Variants in PKD1 observed in about 807,000 individuals in gnomAD.
PKD1 encodes polycystin 1, transient receptor potential channel interacting.
In PKD1, 81 loss-of-function variants were observed where a neutral mutation model predicts 361.7. That is an observed-to-expected ratio of 0.22 (90% CI 0.19 to 0.27). The LOEUF is 0.27. PKD1 is among the 10% of genes least tolerant of loss of function. The pLI, the probability that PKD1 is intolerant of heterozygous loss-of-function variation, is 1.00. For synonymous variants in PKD1, 3,615 were observed against 2,818.3 expected, an observed-to-expected ratio of 1.28 and a Z score of -8.95; for missense variants, 6,399 against 6,118.3, an observed-to-expected ratio of 1.05 and a Z score of -1.53.
chr16:2,113,873 G>C (rs963350903), intron 11 of PKD1: 5 of 507,714 alleles, frequency 9.8e-6, no homozygotes, highest in Non-Finnish European at 1.8e-5. Flanking sequence ...GAACACAGCA[G>C]AGGGCGTGAG....
chr16:2,115,002 G>C (rs1259951102), intron 10 of PKD1, 77 bp from the exon 11 acceptor site: 1 of 1,515,836 alleles, frequency 6.6e-7, no homozygotes, highest in Non-Finnish European at 8.8e-7. Flanking sequence ...GATGAGGGTG[G>C]ACACGCAGGG....
intron 39 of PKD1, 41 bp from the exon 40 acceptor site, chr16:2,092,229 C>T: frequency 6.5e-7 from 1 of 1,547,014 alleles, no homozygotes; most frequent in South Asian, 1.2e-5. Flanking sequence ...AGGGCCTCAT[C>T]AAAACCCAAC....
In PKD1 at chr16:2,104,193, AG is replaced by A. The variant is rs1172968948; in HGVS notation, c.8162-299del. On this transcript the variant is annotated intron_variant, in intron 22 of 45. Transcript: ENST00000262304. The stretch of plus-strand genomic sequence containing the variant: ...GAGGAGCAGGGGGAAAGGGAGGGGA[AG>A]GGGGATAAGGGAGGGGAAGGGGGAT... Among the ~76,000 whole-genome samples the A allele has an allele frequency of 8.9e-4, 13 of 14,648 alleles. No homozygotes were observed. The East Asian group carries it at 0.025, about 29-fold the overall frequency. The allele number at this position is 14,648 out of a possible 152,430, so 9.6% of individuals were successfully genotyped here.
In PKD1 at chr16:2,091,668, G is replaced by A. The variant is rs377486837; in HGVS notation, c.11538-71C>T. On this transcript the variant is annotated intron_variant, in intron 41 of 45. Coordinates refer to ENST00000262304, the MANE Select transcript of PKD1 (RefSeq NM_001009944.3). Reference sequence around the variant, plus strand: ...GCTGCGGGGACCGCGCAGTGCAGGCGTGGCTGAGGGGCTGTGGAAGCCGCC... The same window carrying A: ...GCTGCGGGGACCGCGCAGTGCAGGCATGGCTGAGGGGCTGTGGAAGCCGCC... 9.0e-6 allele frequency: 14 copies of A among 1,559,622 alleles called. 1 individual carries two copies. The highest frequency in any genetic ancestry group is 6.7e-5 in the African/African-American group (5 of 74,244).
Position 2,090,976 on chromosome 16 carries a change from G to A in PKD1, c.11911C>T (p.Pro3971Ser), listed in dbSNP as rs1180861713. ...TGGTCGAAGCTAGTGAAGCGGCGCG[G>A]GCGGCCGCGCACGAAACGGGTCCAC... ...RQWTRFVRGR[P>S]RRFTSFDQVA... Residue 3971 changes from proline (P) to serine (S), a missense_variant, in exon 43 of 46, where the codon CCG becomes TCG. By Grantham distance (74) the Pro-to-Ser change is moderately conservative (BLOSUM62 -1). Coordinates refer to ENST00000262304, the MANE Select transcript of PKD1 (RefSeq NM_001009944.3). 1 of 1,539,656 alleles carries A rather than the reference G, an allele frequency of 6.5e-7. No homozygotes were observed. Among genetic ancestry groups the A allele is most frequent in the Non-Finnish European group, 8.7e-7 (1 of 1,148,740 alleles).
Position 2,116,922 on chromosome 16 carries a change from T to A in PKD1, c.1517A>T (p.Glu506Val), listed in dbSNP as rs1385777364. 10 of 1,519,576 alleles carry A rather than the reference T, an allele frequency of 6.6e-6. No homozygotes were observed. The highest frequency in any genetic ancestry group is 8.8e-6 in the Non-Finnish European group (10 of 1,130,074). The allele number at this position is 1,519,576 out of a possible 1,614,324, so 94.1% of individuals were successfully genotyped here. A position where few individuals can be genotyped will look rare whatever the true frequency, so the allele number is the denominator to read the frequency against. The change falls in exon 7 of 46, where the codon GAG (glutamate) becomes GTG (valine). Residue 506 changes from glutamate (E) to valine (V), a missense_variant. By Grantham distance (121) the Glu-to-Val change is moderately radical (BLOSUM62 -2). Coordinates refer to ENST00000262304, the MANE Select transcript of PKD1 (RefSeq NM_001009944.3). ...GGTGGGCCCGAGCCGGACGCAGTGCTCGGCTGTGGCTGGGTGTGGCTCCCC... is the reference window on the plus strand; with the variant it reads ...GGTGGGCCCGAGCCGGACGCAGTGCACGGCTGTGGCTGGGTGTGGCTCCCC... ...LPGEPHPATA[E>V]HCVRLGPTGW... is the part of the protein sequence containing the mutation.
Position 2,092,125 on chromosome 16 carries a change from G to C in PKD1, c.11333C>G (p.Thr3778Ser). Residue 3778 changes from threonine (T) to serine (S), a missense_variant, in exon 40 of 46, where the codon ACC becomes AGC. Thr to Ser is a moderately conservative substitution (Grantham distance 58). Transcript: ENST00000262304. ...HTCSAAGGFS[T>S]SDYDVGWESP... ...CTCCCAGCCAACGTCGTAATCGCTG[G>C]TGCTGAAGCCTCCTGCGGCCGAGCA... is the stretch of plus-strand genomic sequence containing the variant. 6.2e-7 allele frequency: 1 copy of C among 1,612,870 alleles called. No individual in the cohort carries two copies. The highest frequency in any genetic ancestry group is 8.5e-7 in the Non-Finnish European group (1 of 1,179,994).
chr16:2,126,098 C>T (rs2092796713), intron 1 of PKD1, among the ~76,000 whole-genome samples: 1 of 152,176 alleles, frequency 6.6e-6, no homozygotes, highest in South Asian at 2.1e-4. Flanking sequence ...AGCGGGGCAG[C>T]CGGAATCCCA....
chr16:2,112,231 C>T, intron 14 of PKD1, 109 bp downstream of exon 14: 1 of 964,342 alleles, frequency 1.0e-6, no homozygotes. Context: ...CAGGTGAGGT[C>T]ACAGTGAGGG....
rs906508727 is a variant in PKD1, at chr16:2,092,750, C to G, written c.11157-158G>C. ...TATCCTGGGGATGTTCTGGGGCAGA[C>G]AGTTGTCTGTCATGGGCCCGTCCTG... On this transcript the variant is annotated intron_variant, in intron 38 of 45. Transcript: ENST00000262304. 8.4e-6 allele frequency: 7 copies of G among 831,834 alleles called. No individual in the cohort carries two copies. In the African/African-American group the frequency reaches 1.0e-4, roughly 12 times the overall value. The allele number at this position is 831,834 out of a possible 1,614,324, so 51.5% of individuals were successfully genotyped here. A position where few individuals can be genotyped will look rare whatever the true frequency, so the allele number is the denominator to read the frequency against.
chr16:2,106,161 G>A lies in PKD1; in HGVS notation c.7633C>T (p.Pro2545Ser), dbSNP rs1328959876. The A allele has an allele frequency of 2.5e-6, 4 of 1,608,362 alleles. No homozygotes were observed. The highest frequency in any genetic ancestry group is 3.3e-5 in the Admixed American group (2 of 59,728). The part of the protein sequence containing the change: ...YGAVLPPGFR[P>S]HFEVGLAVVV... ...ACGGCCAGGCCCACCTCGAAGTGTG[G>A]CCTGAAACCCGGGGGCAGCACGGCT... The change falls in exon 19 of 46, where the codon CCA (proline) becomes TCA (serine). Residue 2545 changes from proline (P) to serine (S), a missense_variant. By Grantham distance (74) the Pro-to-Ser change is moderately conservative. Coordinates refer to ENST00000262304, the MANE Select transcript of PKD1 (RefSeq NM_001009944.3). This position sits in a 1 kb window ranked among gnomAD's most constrained non-coding sequence, Gnocchi z 6.5.
rs761746737 is a variant in PKD1, at chr16:2,110,068, G to A, written c.5099C>T (p.Thr1700Ile). ...GGCCCAGGCGCTGCCCAGCATGTTG[G>A]TGGCCCGCAGCTGCACATGGTAGGT... Reference protein sequence around the residue: ...AGTYHVQLRATNMLGSAWADC... With the variant: ...AGTYHVQLRAINMLGSAWADC... Residue 1700 changes from threonine to isoleucine, a missense_variant, in exon 15 of 46, where the codon ACC becomes ATC. Physicochemically the swap from Thr to Ile is moderately conservative, Grantham distance 89 (BLOSUM62 -1). Transcript: ENST00000262304. 6.2e-7 allele frequency: 1 copy of A among 1,610,016 alleles called. No homozygotes were observed. Among genetic ancestry groups the A allele is most frequent in the Non-Finnish European group, 8.5e-7 (1 of 1,179,484 alleles).
rs1398015181 is a variant in PKD1, at chr16:2,109,581, G to A, written c.5586C>T (p.Phe1862=). ...VTMVFPDAGT[F]SIRLNASNAV... Reference sequence around the variant, plus strand: ...CGTTGGAGGCATTGAGCCGGATGGAGAAGGTGCCAGCATCCGGGAAGACCA... The same window carrying A: ...CGTTGGAGGCATTGAGCCGGATGGAAAAGGTGCCAGCATCCGGGAAGACCA... The change falls in exon 15 of 46, where the codon TTC becomes TTT. Residue 1862 remains phenylalanine (F), a synonymous_variant. Coordinates refer to ENST00000262304, the MANE Select transcript of PKD1 (RefSeq NM_001009944.3). 17 of 1,611,640 alleles carry A rather than the reference G, an allele frequency of 1.1e-5. No individual in the cohort carries two copies. The highest frequency in any genetic ancestry group is 2.7e-5 in the African/African-American group (2 of 74,928).
intron 26 of PKD1, among the ~76,000 whole-genome samples, chr16:2,101,645 G>A (rs189085336): frequency 2.6e-5 from 4 of 152,244 alleles, no homozygotes; most frequent in Admixed American, 6.5e-5. Flanking sequence ...AAACAAAAAG[G>A]GAATGCCAGA....
Position 2,104,364 on chromosome 16 carries a change from G to A in PKD1, c.8161+134C>T, listed in dbSNP as rs1272951579. On this transcript the variant is annotated intron_variant, in intron 22 of 45. Transcript: ENST00000262304. ...AGAATGGGAATTGGGGGAGGGGGATGAGGATGGGAATTGGGGGGAGGGGAG... is the reference window on the plus strand; with the variant it reads ...AGAATGGGAATTGGGGGAGGGGGATAAGGATGGGAATTGGGGGGAGGGGAG... 2.6e-4 allele frequency: 140 copies of A among 538,926 alleles called. 1 individual carries two copies. Among genetic ancestry groups the A allele is most frequent in the Middle Eastern group, 9.0e-4 (2 of 2,214 alleles). 33.4% of individuals were successfully genotyped at this position (538,926 alleles called of 1,614,324 possible).
rs760493056 is a variant in PKD1 at position 2,102,094 on chromosome 16, T to C, written c.9364A>G (p.Ile3122Val). The change falls in exon 26 of 46, where the codon ATC becomes GTC. Residue 3122 changes from isoleucine (I) to valine (V), a missense_variant. Ile to Val is a conservative substitution (Grantham distance 29, BLOSUM62 3). Coordinates refer to ENST00000262304, the MANE Select transcript of PKD1 (RefSeq NM_001009944.3). ...CGQRGRFKYE[I>V]LVKTGWGRGS... ...CGGCCCCAGCCTGTCTTGACGAGGA[T>C]CTCGTACTTGAAGCGGCCCCGCTGC... 3 of 1,571,572 alleles carry C rather than the reference T, an allele frequency of 1.9e-6. No homozygotes were observed. Among genetic ancestry groups the C allele is most frequent in the Non-Finnish European group, 2.6e-6 (3 of 1,154,820 alleles).
intron 22 of PKD1, among the ~76,000 whole-genome samples, chr16:2,104,250 C>G (rs1240786464): frequency 5.6e-5 from 2 of 35,726 alleles, no homozygotes; most frequent in African/African-American, 4.3e-4. Flanking sequence ...GGGGAATGGA[C>G]AAAAGGACGG....
chr16:2,134,698 G>C (rs917596558), intron 1 of PKD1, among the ~76,000 whole-genome samples: 3 of 148,198 alleles, frequency 2.0e-5, no homozygotes, highest in East Asian at 2.0e-4. Context: ...CCTATGCCTC[G>C]GATGGTCAGA....
In PKD1 at chr16:2,111,196, T is replaced by C; in HGVS notation, c.3971A>G (p.Tyr1324Cys). The C allele has an allele frequency of 3.1e-6, 5 of 1,611,074 alleles. No homozygotes were observed. Among genetic ancestry groups the C allele is most frequent in the Non-Finnish European group, 3.4e-6 (4 of 1,179,638 alleles). Reference sequence around the variant, plus strand: ...ATCCCCGAAGGTCCAGTCGAAGAGGTAGTGGGCCGGGTTCCCGGTGACGTA... The same window carrying C: ...ATCCCCGAAGGTCCAGTCGAAGAGGCAGTGGGCCGGGTTCCCGGTGACGTA... ...TAYVTGNPAH[Y>C]LFDWTFGDGS... Residue 1324 changes from tyrosine (Y) to cysteine (C), a missense_variant, in exon 15 of 46, where the codon TAC becomes TGC. Physicochemically the swap from Tyr to Cys is radical, Grantham distance 194. Transcript: ENST00000262304.
Sources: allele counts gnomAD v4.1 joint callset (sites outside exome capture counted in the v4.1 genomes callset), GRCh38; gene constraint gnomAD v4.1.1; non-coding constraint Gnocchi (gnomAD v3.1); transcripts MANE v1.5; gene names NCBI Gene and HGNC (gene_info 2026-07-23, HGNC 2026-07-21).